CDH18: variants seen among roughly 807,000 people sequenced by gnomAD.
CDH18 encodes cadherin 18.
CDH18 carries 31 observed loss-of-function variants against 67.9 expected under a neutral mutation model. That is an observed-to-expected ratio of 0.46 (90% CI 0.34 to 0.62). The LOEUF (loss-of-function observed/expected upper bound fraction) is 0.62. Among genes scored for constraint, CDH18 ranks in the 20% least tolerant of loss-of-function variants. The pLI is 0.01. For synonymous variants in CDH18, 362 were observed against 347.2 expected (o/e 1.04, Z -0.48); for missense variants, 890 against 975.5 (o/e 0.91, Z 1.17).
intron 5 of CDH18, among the ~76,000 whole-genome samples, chr5:19,694,678 T>G (rs1762320167): frequency 6.6e-6 from 1 of 150,992 alleles, no homozygotes; most frequent in Non-Finnish European, 1.5e-5. Flanking sequence ...TGTGTGTGTC[T>G]GTGTGTGTTT....
chr5:20,491,297 C>T (rs962045486), intron 1 of CDH18, among the ~76,000 whole-genome samples: 1 of 151,744 alleles, frequency 6.6e-6, no homozygotes, highest in East Asian at 1.9e-4. Flanking sequence ...AGTTAAGCTA[C>T]CAATTGATAT....
At chr5:20,296,200 A>G (rs1360928610) in intron 1 of CDH18, among the ~76,000 whole-genome samples, 1 of 149,092 alleles carries the variant, frequency 6.7e-6, no homozygotes, top group East Asian at 2.0e-4. Context: ...GGATTATTAT[A>G]ATGCCACAAA....
At chr5:19,748,950 T>C (rs28648852) in intron 3 of CDH18, among the ~76,000 whole-genome samples, 22,008 of 152,040 alleles carry the variant, frequency 0.14, 1,839 homozygotes, top group African/African-American at 0.23. Context: ...TTTAGATCTT[T>C]TATAAAAATG....
At chr5:20,394,095 T>G (rs1465677786) in intron 1 of CDH18, among the ~76,000 whole-genome samples, 1 of 151,902 alleles carries the variant, frequency 6.6e-6, no homozygotes, top group Non-Finnish European at 1.5e-5. Context: ...AGTACCTGAA[T>G]AGCCAAAACA....
rs77929198 is a variant in CDH18, at chr5:20,479,358, G to A, written c.-580+96104C>T. On this transcript the variant is annotated intron_variant, in intron 1 of 14. Coordinates refer to the CDH18 transcript ENST00000507958. ...CAAAAGTGCTGTTTTGAGAAAGCTT[G>A]ATGAAATTCAGGATAGCACAGAAAC... 3.6e-4 allele frequency among the ~76,000 whole-genome samples: 55 copies of A among 152,188 alleles called. No individual in the cohort carries two copies. In the East Asian group the frequency reaches 9.7e-3, roughly 27 times the overall value.
chr5:20,408,057 T>C (rs1412529442), intron 1 of CDH18, among the ~76,000 whole-genome samples: 2 of 151,914 alleles, frequency 1.3e-5, no homozygotes, highest in East Asian at 1.9e-4. Flanking sequence ...TCCATAACAA[T>C]ATCAGGTTAC....
At chr5:20,492,310 T>C (rs2126392145) in intron 1 of CDH18, among the ~76,000 whole-genome samples, 1 of 152,244 alleles carries the variant, frequency 6.6e-6, no homozygotes, top group East Asian at 1.9e-4. Context: ...TCACCTGACT[T>C]TCTTTAGGAA....
chr5:19,778,895 A>T (rs1368524951), intron 3 of CDH18, among the ~76,000 whole-genome samples: 1 of 152,082 alleles, frequency 6.6e-6, no homozygotes, highest in Non-Finnish European at 1.5e-5. Context: ...TTCTACATGT[A>T]TTATGCTCAG....
chr5:20,268,006 T>C (rs1419379600), intron 1 of CDH18, among the ~76,000 whole-genome samples: 1 of 152,148 alleles, frequency 6.6e-6, no homozygotes, highest in Admixed American at 6.5e-5. Context: ...TGATATCAAG[T>C]GTACCCAATG....
chr5:20,397,935 T>C (rs1384164158), intron 1 of CDH18, among the ~76,000 whole-genome samples: 1 of 152,152 alleles, frequency 6.6e-6, no homozygotes, highest in East Asian at 1.9e-4. Context: ...AACAGAAAAT[T>C]ACATTACTTT....
At chr5:19,832,820 C>T (rs537901709) in intron 3 of CDH18, among the ~76,000 whole-genome samples, 26 of 152,084 alleles carry the variant, frequency 1.7e-4, no homozygotes, top group African/African-American at 5.8e-4. Flanking sequence ...TCAGATTTGT[C>T]GAAGATCAGA....
At chr5:19,749,205 C>A (rs1770509354) in intron 3 of CDH18, among the ~76,000 whole-genome samples, 1 of 151,896 alleles carries the variant, frequency 6.6e-6, no homozygotes, top group Admixed American at 6.6e-5. Flanking sequence ...AATCCATGAC[C>A]AAAATGTAGC....
At chr5:20,446,050 A>G (rs544664887) in intron 1 of CDH18, among the ~76,000 whole-genome samples, 1 of 152,252 alleles carries the variant, frequency 6.6e-6, no homozygotes, top group African/African-American at 2.4e-5. Context: ...ATTAAACTGC[A>G]TATGTTTTTA....
intron 2 of CDH18, among the ~76,000 whole-genome samples, chr5:19,996,432 A>G (rs1490047751): frequency 2.6e-5 from 4 of 152,074 alleles, no homozygotes; most frequent in Admixed American, 6.6e-5. Context: ...CAGTTTATAA[A>G]TCTTTCCTGG....
intron 2 of CDH18, among the ~76,000 whole-genome samples, chr5:20,131,760 C>T (rs1486391194): frequency 6.6e-6 from 1 of 152,088 alleles, no homozygotes; most frequent in African/African-American, 2.4e-5. Flanking sequence ...TATAACTACA[C>T]CACTTTAAGG....
At chr5:20,214,372 C>T (rs1036298196) in intron 2 of CDH18, among the ~76,000 whole-genome samples, 4 of 151,948 alleles carry the variant, frequency 2.6e-5, no homozygotes, top group Non-Finnish European at 5.9e-5. Context: ...AAAATTGCCC[C>T]TAATACCAAG....
At chr5:19,557,954 C>T (rs769085834) in intron 8 of CDH18, among the ~76,000 whole-genome samples, 1 of 151,948 alleles carries the variant, frequency 6.6e-6, no homozygotes, top group African/African-American at 2.4e-5. Flanking sequence ...TCTCTCAAAC[C>T]ATATTGGAAT....
chr5:19,675,897 C>T (rs550750084), intron 5 of CDH18, among the ~76,000 whole-genome samples: 18 of 151,888 alleles, frequency 1.2e-4, no homozygotes, highest in Non-Finnish European at 2.4e-4. Flanking sequence ...AATAAACGTC[C>T]ATGAAATCTT....
Position 20,149,893 on chromosome 5 carries a change from G to A in CDH18, c.-518+105551C>T, listed in dbSNP as rs115039914. ...AGATCACTAGGAAACAGAAGAGTAA[G>A]ATAAAAAGAAGACAAGTTACATTCC... On this transcript the variant is annotated intron_variant, in intron 2 of 14. Transcript: ENST00000507958. Among the ~76,000 whole-genome samples the A allele has an allele frequency of 2.3e-3, 347 of 152,102 alleles. 2 individuals are homozygous for A. The highest frequency in any genetic ancestry group is 7.8e-3 in the African/African-American group (325 of 41,524).
Sources: allele counts gnomAD v4.1 joint callset (sites outside exome capture counted in the v4.1 genomes callset), GRCh38; gene constraint gnomAD v4.1.1; transcripts MANE v1.5; gene names NCBI Gene and HGNC (gene_info 2026-07-23, HGNC 2026-07-21).